ERI3: variants seen among roughly 807,000 people sequenced by gnomAD.
ERI3 encodes ERI1 exoribonuclease family member 3.
ERI3 carries 18 observed loss-of-function variants against 44.4 expected under a neutral mutation model. The ratio of observed to expected loss-of-function variants is 0.41; its 90% CI spans 0.28 to 0.60. The LOEUF (loss-of-function observed/expected upper bound fraction) is 0.60. Ranked by LOEUF, ERI3 falls within the 20% of genes least tolerant of loss-of-function variation. ERI3 has a pLI of 0.36. For missense variants in ERI3, 294 were observed against 435.5 expected, an observed-to-expected ratio of 0.68 and a Z score of 2.89; for synonymous variants, 183 against 164.8, an observed-to-expected ratio of 1.11 and a Z score of -0.84.
intron 3 of ERI3, among the ~76,000 whole-genome samples, chr1:44,335,786 A>AG (rs1646524457): frequency 6.6e-6 from 1 of 151,946 alleles, no homozygotes; most frequent in Admixed American, 6.6e-5. Flanking sequence ...CAAAAAAAAA[A>AG]AAAAAAAAGA....
chr1:44,335,664 C>T (rs1254900745), intron 3 of ERI3, among the ~76,000 whole-genome samples: 1 of 148,958 alleles, frequency 6.7e-6, no homozygotes, highest in Non-Finnish European at 1.5e-5. Context: ...GAAGCTGAGG[C>T]AGGAAAATTG....
chr1:44,286,937 C>A (rs1040079082), intron 6 of ERI3, among the ~76,000 whole-genome samples: 1 of 152,162 alleles, frequency 6.6e-6, no homozygotes, highest in Non-Finnish European at 1.5e-5. Flanking sequence ...CCCAACCTAT[C>A]CCCATTCCCA....
At chr1:44,285,438 T>C (rs778507386) in intron 6 of ERI3, among the ~76,000 whole-genome samples, 1 of 152,200 alleles carries the variant, frequency 6.6e-6, no homozygotes, top group Admixed American at 6.5e-5. Flanking sequence ...GCAGAGTATA[T>C]GACTTAGAGA....
Position 44,299,533 on chromosome 1 carries a change from T to C in ERI3, c.758+8777A>G, listed in dbSNP as rs1645680430. Among the ~76,000 whole-genome samples the C allele has an allele frequency of 2.0e-5, 3 of 151,892 alleles. No homozygotes were observed. The South Asian group carries it at 6.2e-4, about 32-fold the overall frequency. Reference sequence around the variant, plus strand: ...AAACTAGCTGATGTTCAAAAAGGGTTTTAAAAAAACACAGATCTAAGCAAT... The same window carrying C: ...AAACTAGCTGATGTTCAAAAAGGGTCTTAAAAAAACACAGATCTAAGCAAT... On this transcript the variant is annotated intron_variant, in intron 6 of 8. Coordinates refer to ENST00000372257, the MANE Select transcript of ERI3 (RefSeq NM_024066.3).
intron 7 of ERI3, chr1:44,283,954 C>G (rs1033269009): frequency 2.1e-6 from 1 of 468,550 alleles, no homozygotes; most frequent in Non-Finnish European, 4.4e-6. Flanking sequence ...CCCTTGACCT[C>G]TCTCTTCTCT....
At chr1:44,238,782 A>G (rs1644366473) in intron 8 of ERI3, among the ~76,000 whole-genome samples, 1 of 151,904 alleles carries the variant, frequency 6.6e-6, no homozygotes, top group African/African-American at 2.4e-5. Context: ...GCTGAAAGGA[A>G]AAGGAAGTGA....
intron 6 of ERI3, among the ~76,000 whole-genome samples, chr1:44,289,943 A>T (rs1289256579): frequency 6.6e-6 from 1 of 152,242 alleles, no homozygotes; most frequent in Non-Finnish European, 1.5e-5. Context: ...CCAGCAAAAG[A>T]GCAGGCACCA....
chr1:44,310,744 G>A (rs1210168293), intron 5 of ERI3, among the ~76,000 whole-genome samples: 3 of 152,026 alleles, frequency 2.0e-5, no homozygotes, highest in South Asian at 2.1e-4. Context: ...ACCTAGTTCC[G>A]TGGCTATAGC....
Position 44,353,488 on chromosome 1 carries a change from C to A in ERI3, c.136-563G>T, listed in dbSNP as rs140527087. 30 of 985,396 alleles carry A rather than the reference C, an allele frequency of 3.0e-5. No homozygotes were observed. The African/African-American group carries it at 5.2e-4, about 17-fold the overall frequency. The allele number at this position is 985,396 out of a possible 1,614,324, so 61.0% of individuals were successfully genotyped here. ...ATATCCTCCAAAGGACCAGAAGTTG[C>A]AGAGATGCCCCTGTTAGTGATGTCT... On this transcript the variant is annotated intron_variant, in intron 1 of 8. Coordinates refer to ENST00000372257, the MANE Select transcript of ERI3 (RefSeq NM_024066.3).
At chr1:44,292,390 C>A (rs1221524157) in intron 6 of ERI3, among the ~76,000 whole-genome samples, 1 of 152,148 alleles carries the variant, frequency 6.6e-6, no homozygotes, top group Non-Finnish European at 1.5e-5. Flanking sequence ...AATGAGAGAG[C>A]TTTCTACCTC....
intron 3 of ERI3, 34 bp downstream of exon 3, chr1:44,339,011 C>A (rs370824460): frequency 8.1e-6 from 13 of 1,601,034 alleles, no homozygotes; most frequent in South Asian, 1.1e-5. Flanking sequence ...CCTTGCCCCC[C>A]CCACCTTTTC....
chr1:44,262,541 T>C (rs1030931698), intron 7 of ERI3, among the ~76,000 whole-genome samples: 15 of 152,152 alleles, frequency 9.9e-5, no homozygotes, highest in Admixed American at 9.2e-4. Context: ...CCTCACAATC[T>C]AGCAGAGTGG....
intron 6 of ERI3, among the ~76,000 whole-genome samples, chr1:44,293,726 C>A (rs181724688): frequency 2.4e-4 from 36 of 152,332 alleles, no homozygotes; most frequent in Middle Eastern, 6.8e-3. Flanking sequence ...GAAACTAGGT[C>A]TCTTCATTCT....
intron 3 of ERI3, among the ~76,000 whole-genome samples, chr1:44,331,473 T>C (rs892564363): frequency 7.2e-5 from 11 of 152,088 alleles, no homozygotes; most frequent in African/African-American, 2.7e-4. Context: ...GAGCCTTAGC[T>C]TACACCATAT....
chr1:44,261,807 C>G (rs1644900225), intron 7 of ERI3, among the ~76,000 whole-genome samples: 1 of 152,228 alleles, frequency 6.6e-6, no homozygotes, highest in Admixed American at 6.5e-5. Context: ...GCTTCCCAAC[C>G]AGGCCCAGGA....
chr1:44,306,431 C>T (rs1645834400), intron 6 of ERI3, among the ~76,000 whole-genome samples: 1 of 152,226 alleles, frequency 6.6e-6, no homozygotes, highest in Admixed American at 6.5e-5. Context: ...GGTATGCGCT[C>T]ATTAAGACTT....
At chr1:44,340,970 T>C (rs1266504031) in intron 2 of ERI3, among the ~76,000 whole-genome samples, 3 of 152,230 alleles carry the variant, frequency 2.0e-5, no homozygotes, top group Non-Finnish European at 4.4e-5. Flanking sequence ...GACACCAGTC[T>C]GCTCAAATTA....
intron 6 of ERI3, among the ~76,000 whole-genome samples, chr1:44,305,798 T>C (rs1645819972): frequency 6.6e-6 from 1 of 152,210 alleles, no homozygotes; most frequent in South Asian, 2.1e-4. Flanking sequence ...GAACCATGGC[T>C]TCCGGAAACT....
At chr1:44,223,590 C>T (rs1198569964) in intron 8 of ERI3, among the ~76,000 whole-genome samples, 1 of 152,188 alleles carries the variant, frequency 6.6e-6, no homozygotes, top group Non-Finnish European at 1.5e-5. Flanking sequence ...CCACACACCT[C>T]ATTTCTTCCA....
Sources: allele counts gnomAD v4.1 joint callset (sites outside exome capture counted in the v4.1 genomes callset), GRCh38; gene constraint gnomAD v4.1.1; transcripts MANE v1.5; gene names NCBI Gene and HGNC (gene_info 2026-07-23, HGNC 2026-07-21).